The following HPF1 variants were observed in gnomAD, a reference collection of about 807,000 sequenced individuals.
The protein encoded by HPF1 is histone PARylation factor 1.
A neutral mutation model predicts 38.8 loss-of-function variants in HPF1; 35 were observed. The observed-to-expected ratio is 0.90, with a 90% CI of 0.69 to 1.19. The LOEUF (loss-of-function observed/expected upper bound fraction) is 1.19. Among genes scored for constraint, HPF1 ranks in the 50% most tolerant of loss-of-function variants. The pLI is 0.00. For synonymous variants in HPF1, 115 were observed against 139.2 expected (o/e 0.83, Z 1.22); for missense variants, 367 against 405.8 (o/e 0.90, Z 0.82).
chr4:169,748,290 A>AGAGG (rs2150292537), intron 4 of HPF1, among the ~76,000 whole-genome samples: 1 of 152,296 alleles, frequency 6.6e-6, no homozygotes, highest in Admixed American at 6.5e-5. Flanking sequence ...GAGGCACAAA[A>AGAGG]TAACAGTATA....
intron 2 of HPF1, among the ~76,000 whole-genome samples, chr4:169,752,698 TG>T (rs1163337546): frequency 1.3e-5 from 2 of 152,202 alleles, no homozygotes; most frequent in African/African-American, 4.8e-5. Context: ...TTTAAAACAA[TG>T]AAGATCTACT....
chr4:169,741,874 A>C, intron 5 of HPF1, 83 bp downstream of exon 5: 1 of 1,126,890 alleles, frequency 8.9e-7, no homozygotes, highest in Non-Finnish European at 1.3e-6. Flanking sequence ...AGGGAAGAGA[A>C]GGGTAAAGTA....
At chr4:169,742,664 C>T (rs1027189930) in intron 4 of HPF1, among the ~76,000 whole-genome samples, 3 of 152,068 alleles carry the variant, frequency 2.0e-5, no homozygotes, top group Non-Finnish European at 4.4e-5. Context: ...TGATGGCGGG[C>T]GCCTGTAGTC....
intron 4 of HPF1, among the ~76,000 whole-genome samples, chr4:169,742,664 C>A (rs1027189930): frequency 6.6e-6 from 1 of 152,186 alleles, no homozygotes; most frequent in Middle Eastern, 3.4e-3. Flanking sequence ...TGATGGCGGG[C>A]GCCTGTAGTC....
chr4:169,755,327 T>C (rs1436792467), intron 1 of HPF1, among the ~76,000 whole-genome samples: 1 of 152,164 alleles, frequency 6.6e-6, no homozygotes, highest in African/African-American at 2.4e-5. Flanking sequence ...CACTTATACA[T>C]GAATTTTTTT....
At position 169,748,738 on chromosome 4, in the gene HPF1, TCTTA is replaced by T. The variant is rs762419147; in HGVS notation, c.497+2_497+5del. 6 of 1,269,076 alleles carry T rather than the reference TCTTA, an allele frequency of 4.7e-6. No homozygotes were observed. The highest frequency in any genetic ancestry group is 6.6e-6 in the Non-Finnish European group (6 of 906,912). 78.6% of individuals were successfully genotyped at this position (1,269,076 alleles called of 1,614,324 possible). On this transcript the variant is annotated splice_donor_variant and splice_donor_5th_base_variant and intron_variant, in intron 4 of 7. Coordinates refer to ENST00000393381, the MANE Select transcript of HPF1 (RefSeq NM_017867.3). LOFTEE classifies it high-confidence loss of function. ...TGTAAACAAATATAAATTAAAATAT[TCTTA>T]CTTGACTGCAGCAAATACATTATCT... is the stretch of plus-strand genomic sequence containing the variant.
intron 6 of HPF1, among the ~76,000 whole-genome samples, chr4:169,732,474 TG>T (rs1733842908): frequency 6.6e-6 from 1 of 152,076 alleles, no homozygotes; most frequent in Admixed American, 6.5e-5. Flanking sequence ...TATTCCATGG[TG>T]GTCATCATGC....
chr4:169,746,194 A>G (rs2150292009), intron 4 of HPF1, among the ~76,000 whole-genome samples: 2 of 152,330 alleles, frequency 1.3e-5, no homozygotes, highest in African/African-American at 4.8e-5. Flanking sequence ...TGGATAGTTT[A>G]TATTTACCTA....
At position 169,757,821 on chromosome 4, in the gene HPF1, C is replaced by T. The variant is rs773143627; in HGVS notation, c.48+9G>A. 7 of 1,561,980 alleles carry T rather than the reference C, an allele frequency of 4.5e-6. No individual in the cohort carries two copies. Among genetic ancestry groups the T allele is most frequent in the South Asian group, 3.5e-5 (3 of 85,956 alleles). On this transcript the variant is annotated intron_variant, in intron 1 of 7. Coordinates refer to ENST00000393381, the MANE Select transcript of HPF1 (RefSeq NM_017867.3). ...CCCCGCGTAGCCCGCACAGCCTTTC[C>T]GGCAGTACCTGCGGCCCCTCTCCGC...
intron 3 of HPF1, 170 bp downstream of exon 3, chr4:169,750,366 T>C (rs1163090242): frequency 7.4e-5 from 33 of 447,496 alleles, no homozygotes; most frequent in Non-Finnish European, 1.1e-4. Flanking sequence ...CTAAAGAGTT[T>C]ACCCATCCTA....
At chr4:169,747,162 G>C (rs1017532871) in intron 4 of HPF1, among the ~76,000 whole-genome samples, 1 of 150,098 alleles carries the variant, frequency 6.7e-6, no homozygotes, top group African/African-American at 2.5e-5. Context: ...CAGATACTCT[G>C]CCCTCGTGGA....
intron 2 of HPF1, among the ~76,000 whole-genome samples, chr4:169,753,391 G>C (rs1306752106): frequency 6.6e-6 from 1 of 152,160 alleles, no homozygotes; most frequent in Non-Finnish European, 1.5e-5. Context: ...GGAGTGATCA[G>C]AGCTCACTGC....
intron 3 of HPF1, among the ~76,000 whole-genome samples, chr4:169,750,262 T>A (rs1365037675): frequency 6.6e-6 from 1 of 152,170 alleles, no homozygotes; most frequent in Non-Finnish European, 1.5e-5. Context: ...TAAGCACAGC[T>A]GCTCTAAATT....
In HPF1 at chr4:169,748,725, T is replaced by C. The variant is rs753455690; in HGVS notation, c.497+19A>G. On this transcript the variant is annotated intron_variant, in intron 4 of 7. Coordinates refer to ENST00000393381, the MANE Select transcript of HPF1 (RefSeq NM_017867.3). Reference sequence around the variant, plus strand: ...GTAGTATAAACATTGTAAACAAATATAAATTAAAATATTCTTACTTGACTG... The same window carrying C: ...GTAGTATAAACATTGTAAACAAATACAAATTAAAATATTCTTACTTGACTG... 2.6e-6 allele frequency: 3 copies of C among 1,162,768 alleles called. No individual in the cohort carries two copies. The highest frequency in any genetic ancestry group is 5.1e-5 in the East Asian group (2 of 38,868). 72.0% of individuals were successfully genotyped at this position (1,162,768 alleles called of 1,614,324 possible). A position where few individuals can be genotyped will look rare whatever the true frequency, so the allele number is the denominator to read the frequency against.
chr4:169,753,904 A>T, intron 1 of HPF1, 69 bp from the exon 2 acceptor site: 1 of 1,182,990 alleles, frequency 8.5e-7, no homozygotes, highest in Non-Finnish European at 1.2e-6. Flanking sequence ...AGTATCTATC[A>T]CTCTTGTTCA....
At chr4:169,737,554 G>A (rs1168822609) in intron 6 of HPF1, 106 bp downstream of exon 6, 24 of 761,362 alleles carry the variant, frequency 3.2e-5, no homozygotes, top group South Asian at 2.7e-4. Context: ...AAGGTCTAGC[G>A]ACTGTGTCAG....
intron 3 of HPF1, 148 bp from the exon 4 acceptor site, chr4:169,748,990 C>A (rs1315481872): frequency 6.6e-6 from 3 of 451,450 alleles, no homozygotes; most frequent in South Asian, 7.8e-5. Flanking sequence ...CAGAATTTAT[C>A]GATTACATCA....
chr4:169,731,982 A>C, intron 6 of HPF1, 106 bp from the exon 7 acceptor site: 1 of 855,836 alleles, frequency 1.2e-6, no homozygotes, highest in Non-Finnish European at 1.8e-6. Context: ...AAGACTTTGT[A>C]CTAATACAAC....
At chr4:169,754,123 AAG>A (rs1439537474) in intron 1 of HPF1, among the ~76,000 whole-genome samples, 1 of 152,236 alleles carries the variant, frequency 6.6e-6, no homozygotes, top group Non-Finnish European at 1.5e-5. Flanking sequence ...AAAGAGCAGG[AAG>A]AGAGGAATAA....
Sources: gnomAD v4.1 joint callset for allele counts (sites outside exome capture counted in the v4.1 genomes callset) on GRCh38, gnomAD v4.1.1 for gene constraint, MANE v1.5 for transcripts, NCBI Gene and HGNC (gene_info 2026-07-23, HGNC 2026-07-21) for gene names.